AKTIP: variants seen among roughly 807,000 people sequenced by gnomAD.
AKTIP encodes AKT-interacting protein.
A neutral mutation model predicts 39.1 loss-of-function variants in AKTIP; 16 were observed. That is an observed-to-expected ratio of 0.41 (90% CI 0.28 to 0.62). The LOEUF (loss-of-function observed/expected upper bound fraction) is 0.62, where lower values mean the gene tolerates loss of function less well. AKTIP is among the 20% of genes least tolerant of loss of function. The probability of loss-of-function intolerance (pLI) is 0.32; values close to 1 mark genes in which losing one functional copy is unlikely to be tolerated. For missense variants in AKTIP, 262 were observed against 356.6 expected (o/e 0.73, Z 2.14); for synonymous variants, 93 against 124.3 (o/e 0.75, Z 1.67).
At chr16:53,503,668 C>T (rs1468406369), upstream of AKTIP, among the ~76,000 whole-genome samples, 6 of 152,178 alleles carry the variant, frequency 3.9e-5, no homozygotes, top group African/African-American at 1.4e-4. Context: ...CTAACGTCTG[C>T]AAGCCAAGCT....
chr16:53,494,233 A>G lies in AKTIP; in HGVS notation c.615T>C (p.Asp205=). 1.9e-6 allele frequency: 3 copies of G among 1,614,136 alleles called. No homozygotes were observed. The highest frequency in any genetic ancestry group is 2.5e-6 in the Non-Finnish European group (3 of 1,179,958). Residue 205 remains aspartate (D), a synonymous_variant, in exon 8 of 10, where the codon GAT becomes GAC. Transcript: ENST00000394657. ...NPEAAVLYEK[D]IQLFKSKVVD... Reference sequence around the variant, plus strand: ...CAACTTTACTTTTAAAAAGCTGAATATCTTTTTCATACCTGTGTTAAAAGT... The same window carrying G: ...CAACTTTACTTTTAAAAAGCTGAATGTCTTTTTCATACCTGTGTTAAAAGT...
intron 2 of AKTIP, among the ~76,000 whole-genome samples, chr16:53,499,449 G>GTTTTTTTTTTTTTTTTTTTTTT (rs56138099): frequency 3.8e-5 from 5 of 130,706 alleles, no homozygotes; most frequent in Non-Finnish European, 8.1e-5. Context: ...TGAGATTATA[G>GTTTTTTTTTTTTTTTTTTTTTT]TTTTTTTTTT....
At chr16:53,503,572 G>T (rs919135363), upstream of AKTIP, among the ~76,000 whole-genome samples, 16 of 152,226 alleles carry the variant, frequency 1.1e-4, no homozygotes, top group South Asian at 2.1e-4. Flanking sequence ...TGGCCAGGGC[G>T]TCTGCCAGTC....
rs548050189 is a variant in AKTIP, at chr16:53,498,291, G to A, written c.248+100C>T. ...GGAAAGGGACAGGTTTGAGCTTTGA[G>A]ATTAAATGTCTGCCCTTTACTGCAT... On this transcript the variant is annotated intron_variant, in intron 3 of 9. Transcript: ENST00000394657. 4.1e-6 allele frequency: 5 copies of A among 1,232,920 alleles called. No individual in the cohort carries two copies. In the East Asian group the frequency reaches 1.2e-4, roughly 29 times the overall value. The allele number at this position is 1,232,920 out of a possible 1,614,324, so 76.4% of individuals were successfully genotyped here. A position where few individuals can be genotyped will look rare whatever the true frequency, so the allele number is the denominator to read the frequency against.
Position 53,500,240 on chromosome 16 carries a change from A to G in AKTIP, c.20T>C (p.Met7Thr). Reference protein sequence around the residue: MNPFWSMSTSSVRKRSE... With the variant: MNPFWSTSTSSVRKRSE... ...TACTTTGCGTACAGAGCTTGTAGAC[A>G]TGCTCCAGAAAGGGTTCATAACGTG... is the stretch of plus-strand genomic sequence containing the variant. Residue 7 changes from methionine to threonine, a missense_variant, in exon 2 of 10, where the codon ATG (methionine) becomes ACG (threonine). Transcript: ENST00000394657. 1 of 1,613,206 alleles carries G rather than the reference A, an allele frequency of 6.2e-7. No homozygotes were observed. Among genetic ancestry groups the G allele is most frequent in the South Asian group, 1.1e-5 (1 of 90,848 alleles).
chr16:53,495,521 C>T (rs184419759), intron 3 of AKTIP, among the ~76,000 whole-genome samples, 195 bp from the exon 4 acceptor site: 3 of 152,332 alleles, frequency 2.0e-5, no homozygotes, highest in East Asian at 1.9e-4. Flanking sequence ...CTGCCCACTA[C>T]TGGCCTCATA....
At chr16:53,501,656 A>G (rs573880890) in intron 1 of AKTIP, 6 of 152,356 alleles carry the variant, frequency 3.9e-5, no homozygotes, top group East Asian at 1.9e-4. Flanking sequence ...AATGTCCCCA[A>G]TCAGCAATAA....
At chr16:53,493,824 G>C (rs534464454) in intron 8 of AKTIP, 1 of 308,306 alleles carries the variant, frequency 3.2e-6, no homozygotes, top group Admixed American at 4.5e-5. Flanking sequence ...AGTTTAAGAG[G>C]GGCTCCAGCT....
chr16:53,493,649 C>G (rs564371067), intron 8 of AKTIP: 3 of 163,724 alleles, frequency 1.8e-5, no homozygotes, highest in Non-Finnish European at 2.7e-5. Flanking sequence ...CCTTCCTAAG[C>G]ACTACCAATG....
chr16:53,500,386 T>C (rs1962097179), intron 1 of AKTIP, 57 bp from the exon 2 acceptor site: 5 of 1,239,706 alleles, frequency 4.0e-6, no homozygotes, highest in South Asian at 1.6e-5. Context: ...TAAGACTTTT[T>C]TTTTTTTTTA....
At chr16:53,503,409 C>A (rs1237528794), upstream of AKTIP, among the ~76,000 whole-genome samples, 1 of 152,222 alleles carries the variant, frequency 6.6e-6, no homozygotes, top group African/African-American at 2.4e-5. Context: ...GGGAAGAACA[C>A]ACTCGGTCCT....
intron 9 of AKTIP, 70 bp downstream of exon 9, chr16:53,492,623 A>C: frequency 6.3e-7 from 1 of 1,598,284 alleles, no homozygotes; most frequent in Non-Finnish European, 8.6e-7. Flanking sequence ...TGTAATGAGC[A>C]GTCTCCAAAT....
intron 2 of AKTIP, among the ~76,000 whole-genome samples, chr16:53,498,938 G>C (rs1480104527): frequency 6.6e-6 from 1 of 152,228 alleles, no homozygotes; most frequent in African/African-American, 2.4e-5. Flanking sequence ...TTAGACAACT[G>C]TACAAGGCTA....
chr16:53,492,488 T>C lies in AKTIP; in HGVS notation c.803A>G (p.His268Arg). ...CTTTACCCATGACAGGCCAGCAACA[T>C]GAACACTTTTATTGTGCTGTTCTTC... The part of the protein sequence containing the change: ...KPEEQHNKSV[H>R]VAGLSWVKPG... Residue 268 changes from histidine to arginine, a missense_variant, in exon 10 of 10, where the codon CAT becomes CGT. Physicochemically the swap from His to Arg is conservative, Grantham distance 29. Transcript: ENST00000394657. The C allele has an allele frequency of 6.2e-7, 1 of 1,614,122 alleles. No individual in the cohort carries two copies. Among genetic ancestry groups the C allele is most frequent in the Non-Finnish European group, 8.5e-7 (1 of 1,180,036 alleles).
Position 53,492,447 on chromosome 16 carries a change from G to C in AKTIP, c.844C>G (p.Pro282Ala). 6.2e-7 allele frequency: 1 copy of C among 1,613,088 alleles called. No individual in the cohort carries two copies. The highest frequency in any genetic ancestry group is 8.5e-7 in the Non-Finnish European group (1 of 1,180,014). The change falls in exon 10 of 10, where the codon CCT (proline) becomes GCT (alanine). Residue 282 changes from proline (P) to alanine (A), a missense_variant. Transcript: ENST00000394657. ...ACTGTTTTCTCTTCTTTACTGAAAG[G>C]CTGTACTGAGCCAGGCTTTACCCAT... is the stretch of plus-strand genomic sequence containing the variant. ...LSWVKPGSVQ[P>A]FSKEEKTVAT
chr16:53,497,805 A>C (rs1961930964), intron 3 of AKTIP, among the ~76,000 whole-genome samples: 1 of 152,364 alleles, frequency 6.6e-6, no homozygotes, highest in African/African-American at 2.4e-5. Context: ...GCTGGAGTGC[A>C]ATGGCACAAT....
intron 1 of AKTIP, chr16:53,502,916 C>T (rs1962261206): frequency 6.6e-6 from 1 of 152,396 alleles, no homozygotes; most frequent in Non-Finnish European, 1.5e-5. Flanking sequence ...CAGCCCAGCT[C>T]CAGCCGCAGT....
intron 1 of AKTIP, chr16:53,501,687 T>C (rs1962179007): frequency 6.6e-6 from 1 of 152,262 alleles, no homozygotes; most frequent in Non-Finnish European, 1.5e-5. Flanking sequence ...CTGACGAGCT[T>C]GTGACATCCA....
intron 8 of AKTIP, 101 bp from the exon 9 acceptor site, chr16:53,492,854 C>G: frequency 1.0e-6 from 1 of 965,782 alleles, no homozygotes; most frequent in Non-Finnish European, 1.6e-6. Flanking sequence ...CTTAATAAAG[C>G]ACAGTATTTT....
Sources: allele counts gnomAD v4.1 joint callset (sites outside exome capture counted in the v4.1 genomes callset), GRCh38; gene constraint gnomAD v4.1.1; transcripts MANE v1.5; gene names NCBI Gene and HGNC (gene_info 2026-07-23, HGNC 2026-07-21).